FMN2: variants seen among roughly 807,000 people sequenced by gnomAD.
FMN2 encodes the protein formin-2.
Under a neutral mutation model 142.3 loss-of-function variants are expected in FMN2, and 51 were observed. The ratio of observed to expected loss-of-function variants is 0.36; its 90% confidence interval spans 0.29 to 0.45. The LOEUF (loss-of-function observed/expected upper bound fraction) is 0.45. Ranked by LOEUF, FMN2 falls within the 20% of genes least tolerant of loss-of-function variation. The pLI, the probability that FMN2 is intolerant of heterozygous loss-of-function variation, is 1.00. For missense variants in FMN2, 1,936 were observed against 2,122.8 expected (o/e 0.91, Z 1.73); for synonymous variants, 882 against 869.8 (o/e 1.01, Z -0.25).
intron 14 of FMN2, among the ~76,000 whole-genome samples, chr1:240,368,659 C>G (rs1672761152): frequency 1.4e-5 from 1 of 73,236 alleles, no homozygotes; most frequent in Non-Finnish European, 2.7e-5. Flanking sequence ...TATGTAGTTT[C>G]TTTTTTCTTC....
chr1:240,211,095 T>G lies in FMN2; in HGVS notation c.3925T>G (p.Ser1309Ala). 3.7e-6 allele frequency: 6 copies of G among 1,611,402 alleles called. No individual in the cohort carries two copies. Among genetic ancestry groups the G allele is most frequent in the Non-Finnish European group, 5.1e-6 (6 of 1,179,620 alleles). ...TRIQLHSKRD[S>A]STSLIWEKIE... ...TGTTCTTTTGCTTAATTTTAGAGAC[T>G]CCAGTACTTCACTTATTTGGGAAAA... Residue 1309 changes from serine (S) to alanine (A), a missense_variant, in exon 6 of 18, where the codon TCC (serine) becomes GCC (alanine). This residue lies in a region of FMN2 where 259 missense variants were observed against 230.9 expected (regional missense o/e 1.12). Coordinates refer to ENST00000319653, the MANE Select transcript of FMN2 (RefSeq NM_020066.5).
chr1:240,352,785 T>A (rs535344253), intron 13 of FMN2, among the ~76,000 whole-genome samples: 20 of 152,268 alleles, frequency 1.3e-4, no homozygotes, highest in Admixed American at 1.1e-3. Flanking sequence ...TTTAAGTATA[T>A]CCTTAATATG....
intron 13 of FMN2, among the ~76,000 whole-genome samples, chr1:240,341,190 T>C (rs2103028847): frequency 6.6e-6 from 1 of 152,372 alleles, no homozygotes; most frequent in South Asian, 2.1e-4. Flanking sequence ...CTAATGTTTT[T>C]ATCATATTCA....
chr1:240,387,334 G>A (rs1031517737), intron 14 of FMN2, among the ~76,000 whole-genome samples: 1 of 152,102 alleles, frequency 6.6e-6, no homozygotes, highest in Non-Finnish European at 1.5e-5. Flanking sequence ...AGTATGTTTG[G>A]AATAAAAAGG....
intron 7 of FMN2, among the ~76,000 whole-genome samples, chr1:240,293,741 AT>A (rs1455441963): frequency 1.3e-5 from 2 of 152,134 alleles, no homozygotes; most frequent in South Asian, 2.1e-4. Flanking sequence ...GGGTGGAAGT[AT>A]CATATTCTAC....
chr1:240,114,102 T>G (rs2103200482), intron 1 of FMN2, among the ~76,000 whole-genome samples: 1 of 152,318 alleles, frequency 6.6e-6, no homozygotes, highest in East Asian at 1.9e-4. Flanking sequence ...CATAATAGTT[T>G]TATCAACCCT....
chr1:240,163,311 G>C (rs1664353570), intron 2 of FMN2, among the ~76,000 whole-genome samples: 1 of 152,148 alleles, frequency 6.6e-6, no homozygotes, highest in Non-Finnish European at 1.5e-5. Context: ...GAAAGTTATT[G>C]CTACTATGTT....
At chr1:240,095,680 G>T (rs1330891288) in intron 1 of FMN2, among the ~76,000 whole-genome samples, 1 of 151,896 alleles carries the variant, frequency 6.6e-6, no homozygotes, top group Non-Finnish European at 1.5e-5. Context: ...GAGAGAGGAG[G>T]ATTGAACAGA....
chr1:240,444,734 A>G (rs2883924), intron 16 of FMN2, among the ~76,000 whole-genome samples: 33,614 of 151,998 alleles, frequency 0.22, 4,637 homozygotes, highest in African/African-American at 0.39. Flanking sequence ...GTGCCTTGTT[A>G]ACATTTCTTT....
In FMN2 at chr1:240,437,581, C is replaced by T. The variant is rs146301452; in HGVS notation, c.4911-480C>T. 2.0e-3 allele frequency among the ~76,000 whole-genome samples: 300 copies of T among 152,204 alleles called. 1 individual carries two copies. Among genetic ancestry groups the T allele is most frequent in the Non-Finnish European group, 2.7e-3 (185 of 68,012 alleles). ...CCTCCCAAAGTGCTGGGATTACAGG[C>T]GTGAGCCACCGCGCCGGGCTGGGAC... On this transcript the variant is annotated intron_variant, in intron 15 of 17. Coordinates refer to ENST00000319653, the MANE Select transcript of FMN2 (RefSeq NM_020066.5).
chr1:240,300,531 A>G (rs546798145), intron 8 of FMN2, among the ~76,000 whole-genome samples: 110 of 152,340 alleles, frequency 7.2e-4, no homozygotes, highest in Non-Finnish European at 1.2e-3. Flanking sequence ...TGTTCCAATC[A>G]AAGAGCTCTT....
chr1:240,409,459 A>G (rs1285740331), intron 15 of FMN2, among the ~76,000 whole-genome samples: 1 of 152,102 alleles, frequency 6.6e-6, no homozygotes, highest in East Asian at 1.9e-4. Flanking sequence ...TTCATTTTAA[A>G]AGCTACCTCT....
At chr1:240,157,238 T>C (rs565622435) in intron 2 of FMN2, among the ~76,000 whole-genome samples, 1 of 152,342 alleles carries the variant, frequency 6.6e-6, no homozygotes, top group South Asian at 2.1e-4. Context: ...TGACATTTAG[T>C]TGATCCTAGT....
intron 6 of FMN2, among the ~76,000 whole-genome samples, chr1:240,256,169 T>G (rs1668443964): frequency 1.3e-5 from 2 of 152,152 alleles, no homozygotes; most frequent in Non-Finnish European, 2.9e-5. Flanking sequence ...TTGCACTGAC[T>G]TGTGGTTACA....
At chr1:240,331,325 C>A (rs1671374008) in intron 11 of FMN2, among the ~76,000 whole-genome samples, 1 of 152,028 alleles carries the variant, frequency 6.6e-6, no homozygotes, top group Non-Finnish European at 1.5e-5. Context: ...ACTACTTCTG[C>A]AGTTGTGTTT....
chr1:240,179,982 A>C (rs1421986954), intron 3 of FMN2, among the ~76,000 whole-genome samples: 1 of 152,188 alleles, frequency 6.6e-6, no homozygotes, highest in Non-Finnish European at 1.5e-5. Context: ...CTGGTGGAGC[A>C]CTTGACTCGA....
chr1:240,209,296 G>A (rs1308571954), intron 5 of FMN2, among the ~76,000 whole-genome samples: 2 of 150,852 alleles, frequency 1.3e-5, no homozygotes, highest in African/African-American at 4.9e-5. Context: ...TGTCACCCAG[G>A]CTGGAGTGCA....
intron 1 of FMN2, among the ~76,000 whole-genome samples, chr1:240,102,152 T>C (rs998794581): frequency 1.3e-5 from 2 of 152,196 alleles, no homozygotes; most frequent in Non-Finnish European, 2.9e-5. Flanking sequence ...GTATTCCATT[T>C]AGAAGTGTGC....
At chr1:240,290,187 A>T (rs1669730695) in intron 7 of FMN2, among the ~76,000 whole-genome samples, 1 of 152,204 alleles carries the variant, frequency 6.6e-6, no homozygotes, top group Non-Finnish European at 1.5e-5. Context: ...ATCAAAAGAA[A>T]ACAGATTTCT....
Sources: gnomAD v4.1 joint callset for allele counts (sites outside exome capture counted in the v4.1 genomes callset) on GRCh38, gnomAD v4.1.1 for gene constraint, gnomAD v4.1.1 regional missense constraint, MANE v1.5 for transcripts, NCBI Gene and HGNC (gene_info 2026-07-23, HGNC 2026-07-21) for gene names.